The following TRAPPC8 variants were observed in gnomAD, a reference collection of about 807,000 sequenced individuals.
The protein encoded by TRAPPC8 is trafficking protein particle complex subunit 8.
In TRAPPC8, 54 loss-of-function variants were observed where a neutral mutation model predicts 174.3. The observed-to-expected ratio is 0.31, with a 90% CI of 0.25 to 0.39. The LOEUF (loss-of-function observed/expected upper bound fraction) is 0.39. TRAPPC8 is among the 10% of genes least tolerant of loss of function. The pLI is 1.00. For synonymous variants in TRAPPC8, 630 were observed against 579.9 expected (o/e 1.09, Z -1.24); for missense variants, 1,531 against 1,699.1 (o/e 0.90, Z 1.74).
chr18:31,852,229 T>G (rs530572934), intron 24 of TRAPPC8, among the ~76,000 whole-genome samples: 2 of 152,214 alleles, frequency 1.3e-5, no homozygotes, highest in Non-Finnish European at 2.9e-5. Flanking sequence ...TAGTCCCAGC[T>G]ACTCAGGAGG....
intron 27 of TRAPPC8, among the ~76,000 whole-genome samples, chr18:31,837,545 T>C (rs1362716700): frequency 6.6e-6 from 1 of 151,940 alleles, no homozygotes; most frequent in East Asian, 1.9e-4. Context: ...ATACCAAATT[T>C]GGCTGACCTG....
intron 11 of TRAPPC8, among the ~76,000 whole-genome samples, chr18:31,896,852 G>C (rs1270220163): frequency 6.6e-6 from 1 of 152,150 alleles, no homozygotes; most frequent in African/African-American, 2.4e-5. Flanking sequence ...TCAAACTCCT[G>C]ACCTCAGGTG....
At chr18:31,932,507 G>A (rs530095450) in intron 1 of TRAPPC8, among the ~76,000 whole-genome samples, 16 of 151,828 alleles carry the variant, frequency 1.1e-4, no homozygotes, top group Admixed American at 3.9e-4. Flanking sequence ...TGCCTCCACC[G>A]TCCTATAGTC....
chr18:31,941,975 A>C (rs866481948), intron 1 of TRAPPC8, among the ~76,000 whole-genome samples: 1 of 152,230 alleles, frequency 6.6e-6, no homozygotes, highest in Non-Finnish European at 1.5e-5. Context: ...AGGTTAAATT[A>C]ACCACAACTT....
intron 12 of TRAPPC8, among the ~76,000 whole-genome samples, chr18:31,886,196 A>G (rs1364428097): frequency 6.6e-6 from 1 of 151,472 alleles, no homozygotes; most frequent in Non-Finnish European, 1.5e-5. Flanking sequence ...TTTAGTAGAG[A>G]TGGGGTTTCT....
chr18:31,915,507 A>C (rs1425275467), intron 4 of TRAPPC8, among the ~76,000 whole-genome samples: 1 of 149,440 alleles, frequency 6.7e-6, no homozygotes, highest in Admixed American at 6.6e-5. Flanking sequence ...CCCGCCTGTC[A>C]TCCCAGCACC....
intron 1 of TRAPPC8, 64 bp downstream of exon 1, chr18:31,942,544 G>T: frequency 6.9e-7 from 1 of 1,455,792 alleles, no homozygotes; most frequent in African/African-American, 1.5e-5. Context: ...CTGCCCGCCC[G>T]CAACTTCCTT....
intron 4 of TRAPPC8, 145 bp downstream of exon 4, chr18:31,916,125 CAT>C (rs1161165774): frequency 1.7e-5 from 8 of 463,458 alleles, no homozygotes; most frequent in Middle Eastern, 6.1e-4. Context: ...CAGGATAAAA[CAT>C]AAAGTTAAAT....
chr18:31,862,504 A>C (rs1474766943), intron 19 of TRAPPC8, among the ~76,000 whole-genome samples: 1 of 152,176 alleles, frequency 6.6e-6, no homozygotes, highest in East Asian at 1.9e-4. Context: ...CATTCTATTA[A>C]TGGTACTGGA....
intron 24 of TRAPPC8, among the ~76,000 whole-genome samples, chr18:31,851,645 C>A (rs1281312144): frequency 6.6e-6 from 1 of 152,034 alleles, no homozygotes; most frequent in Non-Finnish European, 1.5e-5. Flanking sequence ...GCATGAGCCA[C>A]CACATCTGGC....
At chr18:31,881,871 A>C (rs1445084448) in intron 12 of TRAPPC8, among the ~76,000 whole-genome samples, 1 of 152,204 alleles carries the variant, frequency 6.6e-6, no homozygotes, top group Non-Finnish European at 1.5e-5. Flanking sequence ...GCCATGAAAA[A>C]TATGAAAAAA....
intron 7 of TRAPPC8, 25 bp from the exon 8 acceptor site, chr18:31,908,443 T>G (rs762000932): frequency 6.3e-6 from 9 of 1,423,684 alleles, no homozygotes; most frequent in Non-Finnish European, 8.6e-6. Flanking sequence ...TTAAATATGT[T>G]GACAAACAAA....
chr18:31,844,589 T>C (rs2033285397), intron 26 of TRAPPC8: 1 of 152,064 alleles, frequency 6.6e-6, no homozygotes, highest in African/African-American at 2.4e-5. Context: ...ACTGAATACA[T>C]TTCTATATAC....
rs1393556356 is a variant in TRAPPC8 at position 31,943,022 on chromosome 18, A to T, written c.-258T>A. On this transcript the variant is annotated 5_prime_UTR_variant, in exon 1 of 29. Coordinates refer to ENST00000283351, the MANE Select transcript of TRAPPC8 (RefSeq NM_014939.5). ...GCTCGCATTCCACCCCGATAGGTGGAGACGCCGACAGTCACCACTTAGTCC... is the reference window on the plus strand; with the variant it reads ...GCTCGCATTCCACCCCGATAGGTGGTGACGCCGACAGTCACCACTTAGTCC... 7 of 602,300 alleles carry T rather than the reference A, an allele frequency of 1.2e-5. No homozygotes were observed. Among genetic ancestry groups the T allele is most frequent in the Non-Finnish European group, 1.5e-5 (6 of 410,470 alleles). The allele number at this position is 602,300 out of a possible 1,614,324, so 37.3% of individuals were successfully genotyped here.
In TRAPPC8 at chr18:31,908,422, TAA is replaced by T; in HGVS notation, c.1123-6_1123-5del. 6.6e-7 allele frequency: 1 copy of T among 1,526,636 alleles called. No homozygotes were observed. Among genetic ancestry groups the T allele is most frequent in the Non-Finnish European group, 8.9e-7 (1 of 1,127,454 alleles). 94.6% of individuals were successfully genotyped at this position (1,526,636 alleles called of 1,614,324 possible). On this transcript the variant is annotated splice_polypyrimidine_tract_variant and splice_region_variant and intron_variant, in intron 7 of 28. Transcript: ENST00000283351. ...TCAAACCTTTTCTTGATATTAGCTT[TAA>T]AAAAGAGATTAAATATGTTGACAAA...
chr18:31,922,828 G>A (rs143695000), intron 2 of TRAPPC8, among the ~76,000 whole-genome samples: 5 of 152,116 alleles, frequency 3.3e-5, no homozygotes, highest in African/African-American at 9.6e-5. Context: ...GACCAGCCTG[G>A]GCAACATGAG....
chr18:31,857,508 A>T (rs1381984620), intron 20 of TRAPPC8, 32 bp downstream of exon 20: 10 of 1,508,116 alleles, frequency 6.6e-6, no homozygotes, highest in Non-Finnish European at 8.0e-6. Context: ...TTGAACATAG[A>T]TGTTAAATTT....
intron 20 of TRAPPC8, among the ~76,000 whole-genome samples, 156 bp downstream of exon 20, chr18:31,857,384 T>TA (rs1327344606): frequency 6.6e-6 from 1 of 152,210 alleles, no homozygotes; most frequent in Non-Finnish European, 1.5e-5. Context: ...ACCTAGAACT[T>TA]ACAGTTCTAT....
chr18:31,911,791 T>A, intron 5 of TRAPPC8, among the ~76,000 whole-genome samples: 1 of 137,910 alleles, frequency 7.3e-6, no homozygotes, highest in African/African-American at 2.8e-5. Flanking sequence ...GAATTTCTTC[T>A]AGGCCGGCAT....
Sources: allele counts gnomAD v4.1 joint callset (sites outside exome capture counted in the v4.1 genomes callset), GRCh38; gene constraint gnomAD v4.1.1; transcripts MANE v1.5; gene names NCBI Gene and HGNC (gene_info 2026-07-23, HGNC 2026-07-21).